Variants in MDGA2 observed in about 807,000 individuals in gnomAD.
MDGA2 encodes the protein MAM domain-containing glycosylphosphatidylinositol anchor protein 2.
In MDGA2, 40 loss-of-function variants were observed where a neutral mutation model predicts 117.8. The ratio of observed to expected loss-of-function variants is 0.34; its 90% CI spans 0.26 to 0.44. The LOEUF is 0.44. Among genes scored for constraint, MDGA2 ranks in the 20% least tolerant of loss-of-function variants. The probability of loss-of-function intolerance (pLI) is 1.00; values close to 1 mark genes in which losing one functional copy is unlikely to be tolerated. For synonymous variants in MDGA2, 452 were observed against 439.0 expected (o/e 1.03, Z -0.37); for missense variants, 1,123 against 1,250.6 (o/e 0.90, Z 1.54).
intron 2 of MDGA2, among the ~76,000 whole-genome samples, chr14:47,240,055 GT>G (rs568965504): frequency 2.0e-5 from 3 of 150,348 alleles, no homozygotes; most frequent in East Asian, 1.9e-4. Flanking sequence ...AGTTTTTGCT[GT>G]TTTTTTTTGA....
At chr14:47,579,876 A>G (rs1470228128) in intron 1 of MDGA2, among the ~76,000 whole-genome samples, 1 of 152,120 alleles carries the variant, frequency 6.6e-6, no homozygotes, top group Non-Finnish European at 1.5e-5. Context: ...AAAAAGTGAT[A>G]GCAATCACTA....
intron 1 of MDGA2, among the ~76,000 whole-genome samples, chr14:47,307,266 A>G (rs2139830048): frequency 6.6e-6 from 1 of 152,216 alleles, no homozygotes; most frequent in South Asian, 2.1e-4. Flanking sequence ...ATGATATTCT[A>G]AACTGATTTT....
chr14:47,273,824 C>A (rs1049877983), intron 2 of MDGA2, among the ~76,000 whole-genome samples: 1 of 152,080 alleles, frequency 6.6e-6, no homozygotes, highest in Non-Finnish European at 1.5e-5. Flanking sequence ...ATGCCAGACC[C>A]TGGCAAAAGT....
At chr14:46,965,125 G>C (rs981324610) in intron 8 of MDGA2, among the ~76,000 whole-genome samples, 1 of 142,210 alleles carries the variant, frequency 7.0e-6, no homozygotes, top group Non-Finnish European at 1.5e-5. Context: ...GGGTTTCACC[G>C]TGTTAGCCAG....
intron 1 of MDGA2, among the ~76,000 whole-genome samples, chr14:47,656,530 C>T (rs940353344): frequency 3.3e-5 from 5 of 152,082 alleles, no homozygotes; most frequent in South Asian, 2.1e-4. Flanking sequence ...GAAGTGGCTG[C>T]GGTAAAAATA....
At chr14:47,312,460 C>A (rs1396764922) in intron 1 of MDGA2, among the ~76,000 whole-genome samples, 2 of 152,074 alleles carry the variant, frequency 1.3e-5, no homozygotes, top group African/African-American at 4.8e-5. Flanking sequence ...ATAAACACCT[C>A]TTCTAAGAAG....
At chr14:47,067,224 T>G (rs1890118802) in intron 6 of MDGA2, among the ~76,000 whole-genome samples, 1 of 152,186 alleles carries the variant, frequency 6.6e-6, no homozygotes, top group African/African-American at 2.4e-5. Flanking sequence ...TTGAACATGC[T>G]AACATGCAAA....
chr14:47,281,475 G>A (rs1280856196), intron 2 of MDGA2, among the ~76,000 whole-genome samples: 1 of 152,096 alleles, frequency 6.6e-6, no homozygotes, highest in Admixed American at 6.6e-5. Context: ...TTTGATAACA[G>A]AGCATGAATA....
chr14:47,667,393 C>T (rs914199505), intron 1 of MDGA2, among the ~76,000 whole-genome samples: 5 of 152,150 alleles, frequency 3.3e-5, no homozygotes, highest in Non-Finnish European at 5.9e-5. Flanking sequence ...GTTCCCAAAT[C>T]CCACAATCCA....
At chr14:47,619,317 T>G (rs899881513) in intron 1 of MDGA2, among the ~76,000 whole-genome samples, 2 of 152,150 alleles carry the variant, frequency 1.3e-5, no homozygotes, top group African/African-American at 4.8e-5. Flanking sequence ...ATTGTACTCT[T>G]TATGGTACAG....
At chr14:47,269,700 T>TTTTTCAGA (rs1888084786) in intron 2 of MDGA2, among the ~76,000 whole-genome samples, 1 of 152,148 alleles carries the variant, frequency 6.6e-6, no homozygotes, top group Admixed American at 6.6e-5. Flanking sequence ...AGCATAATGT[T>TTTTTCAGA]TTTTCAGATT....
At chr14:47,507,794 T>C (rs866193679) in intron 1 of MDGA2, among the ~76,000 whole-genome samples, 1 of 152,330 alleles carries the variant, frequency 6.6e-6, no homozygotes, top group South Asian at 2.1e-4. Context: ...GCTGAGATTA[T>C]GTCAATAACT....
intron 2 of MDGA2, among the ~76,000 whole-genome samples, chr14:47,279,772 CTT>C (rs984240136): frequency 1.3e-5 from 2 of 152,112 alleles, no homozygotes; most frequent in African/African-American, 4.8e-5. Context: ...TACACACACA[CTT>C]TTTCTTTTTT....
Position 47,054,320 on chromosome 14 carries a change from C to CTTTTAT in MDGA2, c.1525+6928_1525+6929insATAAAA, listed in dbSNP as rs1357634971. ...TGTTGTTCCTGAGTGAGTCTCAAAG[C>CTTTTAT]TCTTATTATTATTATTATTATACTT... is the stretch of plus-strand genomic sequence containing the variant. On this transcript the variant is annotated intron_variant, in intron 7 of 16. Coordinates refer to ENST00000399232, the MANE Select transcript of MDGA2 (RefSeq NM_001113498.3). 4.4e-3 allele frequency among the ~76,000 whole-genome samples: 632 copies of CTTTTAT among 144,878 alleles called. 5 individuals carry two copies. Among genetic ancestry groups the CTTTTAT allele is most frequent in the African/African-American group, 0.016 (590 of 35,934 alleles).
intron 1 of MDGA2, among the ~76,000 whole-genome samples, chr14:47,484,481 T>C (rs1894017340): frequency 6.6e-6 from 1 of 152,172 alleles, no homozygotes; most frequent in South Asian, 2.1e-4. Flanking sequence ...TTGTTAATGT[T>C]AGGGAGGATT....
intron 3 of MDGA2, among the ~76,000 whole-genome samples, chr14:47,167,604 T>A (rs192715987): frequency 6.6e-6 from 1 of 152,050 alleles, no homozygotes; most frequent in Non-Finnish European, 1.5e-5. Context: ...CTTCCAAGCA[T>A]CAGGGAGTGC....
chr14:47,540,563 T>TATATATATATATACATATACATACAC (rs370481455), intron 1 of MDGA2, among the ~76,000 whole-genome samples: 44 of 112,526 alleles, frequency 3.9e-4, no homozygotes, highest in African/African-American at 1.2e-3. Context: ...TGTATATATA[T>TATATATATATATACATATACATACAC]ACACACACAC....
chr14:46,879,084 G>A (rs1397534915), intron 11 of MDGA2, among the ~76,000 whole-genome samples: 1 of 152,030 alleles, frequency 6.6e-6, no homozygotes, highest in African/African-American at 2.4e-5. Context: ...AAATGCATAT[G>A]TCAATGCCTA....
chr14:47,515,008 T>C (rs1324528571), intron 1 of MDGA2, among the ~76,000 whole-genome samples: 1 of 152,204 alleles, frequency 6.6e-6, no homozygotes, highest in Non-Finnish European at 1.5e-5. Flanking sequence ...TACACAAAGT[T>C]CTACCTTTGT....
Sources: gnomAD v4.1 joint callset for allele counts (sites outside exome capture counted in the v4.1 genomes callset) on GRCh38, gnomAD v4.1.1 for gene constraint, MANE v1.5 for transcripts, NCBI Gene and HGNC (gene_info 2026-07-23, HGNC 2026-07-21) for gene names.